USP47: variants seen among roughly 807,000 people sequenced by gnomAD.
USP47 encodes the protein ubiquitin specific peptidase 47, also known as ubiquitin carboxyl-terminal hydrolase 47.
In USP47, 35 loss-of-function variants were observed where a neutral mutation model predicts 165.1. The observed-to-expected ratio is 0.21, with a 90% CI of 0.16 to 0.28. The LOEUF is 0.28. Ranked by LOEUF, USP47 falls within the 10% of genes least tolerant of loss-of-function variation. The probability of loss-of-function intolerance (pLI) is 1.00; values close to 1 mark genes in which losing one functional copy is unlikely to be tolerated. For missense variants in USP47, 1,277 were observed against 1,607.4 expected (o/e 0.79, Z 3.52); for synonymous variants, 531 against 544.5 (o/e 0.98, Z 0.35).
chr11:11,864,526 C>T (rs1378573583), intron 1 of USP47, among the ~76,000 whole-genome samples: 2 of 151,958 alleles, frequency 1.3e-5, no homozygotes, highest in South Asian at 2.1e-4. Flanking sequence ...TATTAAATAA[C>T]TCGCCATTCC....
At chr11:11,892,595 G>C (rs1207031606) in intron 4 of USP47, among the ~76,000 whole-genome samples, 1 of 151,026 alleles carries the variant, frequency 6.6e-6, no homozygotes, top group Non-Finnish European at 1.5e-5. Flanking sequence ...AAGATTGCTT[G>C]AGCCCGGGAG....
chr11:11,949,307 A>G (rs1479032381), intron 22 of USP47, among the ~76,000 whole-genome samples: 1 of 152,154 alleles, frequency 6.6e-6, no homozygotes, highest in Non-Finnish European at 1.5e-5. Flanking sequence ...ATAACATCCT[A>G]TTGTTATAAC....
chr11:11,854,012 G>A (rs1848878447), intron 1 of USP47, among the ~76,000 whole-genome samples: 1 of 151,274 alleles, frequency 6.6e-6, no homozygotes, highest in African/African-American at 2.4e-5. Context: ...GTGGGCGCCT[G>A]TAGTCCCAGC....
Position 11,905,403 on chromosome 11 carries a change from A to G in USP47, c.824A>G (p.Asp275Gly). The G allele has an allele frequency of 1.3e-6, 2 of 1,573,402 alleles. No individual in the cohort carries two copies. The highest frequency in any genetic ancestry group is 1.7e-6 in the Non-Finnish European group (2 of 1,155,306). The change falls in exon 8 of 28, where the codon GAT becomes GGT. Residue 275 changes from aspartate to glycine, a missense_variant. This residue lies in a region of USP47 where 175 missense variants were observed against 295.8 expected (regional missense o/e 0.59). Coordinates refer to ENST00000527733, the MANE Select transcript of USP47 (RefSeq NM_001282659.2). ...ATGTAAATATTTTATTTTTAGGCTGATCTTATAAATGAGCTATATCAAGGC... is the reference window on the plus strand; with the variant it reads ...ATGTAAATATTTTATTTTTAGGCTGGTCTTATAAATGAGCTATATCAAGGC... ...EQKWKQTEQA[D>G]LINELYQGKL...
chr11:11,842,049 A>G lies in USP47; in HGVS notation c.-137A>G. The G allele has an allele frequency of 9.0e-7, 1 of 1,108,420 alleles. No individual in the cohort carries two copies. The highest frequency in any genetic ancestry group is 1.3e-6 in the Non-Finnish European group (1 of 779,702). 68.7% of individuals were successfully genotyped at this position (1,108,420 alleles called of 1,614,324 possible). On this transcript the variant is annotated 5_prime_UTR_variant, in exon 1 of 28. Coordinates refer to ENST00000527733, the MANE Select transcript of USP47 (RefSeq NM_001282659.2). Reference sequence around the variant, plus strand: ...GTCTGCGCGCTGGTGTCTGAGGCCCAGGCTGAGGCCTCCGCTATTGCTGGA... The same window carrying G: ...GTCTGCGCGCTGGTGTCTGAGGCCCGGGCTGAGGCCTCCGCTATTGCTGGA...
rs539644024 is a variant in USP47, at chr11:11,961,672, C to G, written c.*5497C>G. ...AGGGCAGGAGCTCCATTCTTGTTTG[C>G]CACTCTCCTTTTGTCAATTGGGAAA... On this transcript the variant is annotated 3_prime_UTR_variant, in exon 28 of 28. Transcript: ENST00000527733. 8.8e-4 allele frequency among the ~76,000 whole-genome samples: 134 copies of G among 152,336 alleles called. No individual in the cohort carries two copies. The highest frequency in any genetic ancestry group is 2.6e-3 in the African/African-American group (106 of 41,568).
chr11:11,843,772 G>A (rs983400039), intron 1 of USP47, among the ~76,000 whole-genome samples: 3 of 152,078 alleles, frequency 2.0e-5, no homozygotes, highest in Non-Finnish European at 4.4e-5. Flanking sequence ...AATAGATACC[G>A]AGCTTTGCAG....
At chr11:11,865,535 G>A (rs79086772) in intron 1 of USP47, among the ~76,000 whole-genome samples, 1,938 of 151,948 alleles carry the variant, frequency 0.013, 37 homozygotes, top group African/African-American at 0.044. Context: ...TTGAAACATT[G>A]CTGGATCTTA....
Position 11,938,335 on chromosome 11 carries a change from A to G in USP47, c.2156A>G (p.Asn719Ser). Residue 719 changes from asparagine to serine, a missense_variant, in exon 18 of 28, where the codon AAT becomes AGT. This residue lies in a region of USP47 where 909 missense variants were observed against 1,068.1 expected (regional missense o/e 0.85). Coordinates refer to ENST00000527733, the MANE Select transcript of USP47 (RefSeq NM_001282659.2). ...CCTATAACTGTTCGTGCTTACTTAA[A>G]TCAGACAGTTACAGAATTCAAACAA... is the stretch of plus-strand genomic sequence containing the variant. ...AAPITVRAYL[N>S]QTVTEFKQLI... The G allele has an allele frequency of 1.2e-6, 2 of 1,612,098 alleles. No individual in the cohort carries two copies. The highest frequency in any genetic ancestry group is 2.2e-5 in the South Asian group (2 of 91,014).
At chr11:11,889,151 T>C (rs1851354606) in intron 3 of USP47, among the ~76,000 whole-genome samples, 1 of 152,124 alleles carries the variant, frequency 6.6e-6, no homozygotes, top group African/African-American at 2.4e-5. Context: ...AAAATGAGAA[T>C]GCCCTCTTTT....
intron 11 of USP47, among the ~76,000 whole-genome samples, chr11:11,923,957 C>T (rs774892467): frequency 6.6e-6 from 1 of 152,238 alleles, no homozygotes; most frequent in Non-Finnish European, 1.5e-5. Flanking sequence ...TTCATTTCAT[C>T]TGCAAATAAA....
chr11:11,930,613 A>G (rs1854596529), intron 13 of USP47, 83 bp from the exon 14 acceptor site: 7 of 1,057,262 alleles, frequency 6.6e-6, no homozygotes, highest in Non-Finnish European at 8.4e-6. Flanking sequence ...TTAAAAAATC[A>G]CAATTTAAAT....
In USP47 at chr11:11,956,301, T is replaced by C. The variant is rs552150105; in HGVS notation, c.*126T>C. ...CCAGTGACACCAGCACTGATTGGAC[T>C]GCCCTACACCAATCAGAAGCTCAGT... On this transcript the variant is annotated 3_prime_UTR_variant, in exon 28 of 28. Transcript: ENST00000527733. 22 of 919,518 alleles carry C rather than the reference T, an allele frequency of 2.4e-5. No individual in the cohort carries two copies. In the African/African-American group the frequency reaches 3.4e-4, roughly 14 times the overall value. The allele number at this position is 919,518 out of a possible 1,614,324, so 57.0% of individuals were successfully genotyped here.
intron 8 of USP47, among the ~76,000 whole-genome samples, chr11:11,907,803 A>G (rs921907511): frequency 6.6e-6 from 1 of 152,026 alleles, no homozygotes; most frequent in African/African-American, 2.4e-5. Context: ...AATATATTAG[A>G]TATAGACGTA....
intron 1 of USP47, among the ~76,000 whole-genome samples, chr11:11,843,978 C>G (rs532533745): frequency 6.6e-6 from 1 of 152,150 alleles, no homozygotes; most frequent in Non-Finnish European, 1.5e-5. Flanking sequence ...TTCCCTGGTT[C>G]CTTTCATGAT....
chr11:11,912,902 G>A (rs1853105761), intron 8 of USP47, among the ~76,000 whole-genome samples: 1 of 151,836 alleles, frequency 6.6e-6, no homozygotes, highest in African/African-American at 2.4e-5. Flanking sequence ...AGCCAAAAAA[G>A]AAAATTCATA....
Position 11,842,175 on chromosome 11 carries a change from C to G in USP47, c.-11C>G, listed in dbSNP as rs966358835. 5.8e-6 allele frequency: 9 copies of G among 1,552,590 alleles called. No individual in the cohort carries two copies. The highest frequency in any genetic ancestry group is 2.7e-5 in the African/African-American group (2 of 73,226). Reference sequence around the variant, plus strand: ...CCCCGGCAGGGCGGAGAGGAGCGGCCGGAGTCAGCGATGGTGCCCGGCGAG... The same window carrying G: ...CCCCGGCAGGGCGGAGAGGAGCGGCGGGAGTCAGCGATGGTGCCCGGCGAG... On this transcript the variant is annotated 5_prime_UTR_variant, in exon 1 of 28. Coordinates refer to ENST00000527733, the MANE Select transcript of USP47 (RefSeq NM_001282659.2).
Position 11,959,962 on chromosome 11 carries a change from AC to A in USP47, c.*3789del, listed in dbSNP as rs1208916085. Among the ~76,000 whole-genome samples, 1 of 152,060 alleles carries A rather than the reference AC, an allele frequency of 6.6e-6. No homozygotes were observed. The highest frequency in any genetic ancestry group is 1.5e-5 in the Non-Finnish European group (1 of 68,006). On this transcript the variant is annotated 3_prime_UTR_variant, in exon 28 of 28. Transcript: ENST00000527733. ...CAGCCTCTTTTATAATGCTTAAGTA[AC>A]CTGCTTGAAGAGTATAATTTATGGA...
chr11:11,929,635 G>A, intron 12 of USP47, 70 bp downstream of exon 12: 1 of 1,560,926 alleles, frequency 6.4e-7, no homozygotes, highest in Non-Finnish European at 8.7e-7. Flanking sequence ...CAACAGTAAA[G>A]TTTATTAAGA....
Sources: allele counts gnomAD v4.1 joint callset (sites outside exome capture counted in the v4.1 genomes callset), GRCh38; gene constraint gnomAD v4.1.1; regional missense constraint gnomAD v4.1.1; transcripts MANE v1.5; gene names NCBI Gene and HGNC (gene_info 2026-07-23, HGNC 2026-07-21).